IL4: variants seen among roughly 807,000 people sequenced by gnomAD.
The protein encoded by IL4 is interleukin-4.
Under a neutral mutation model 17.4 loss-of-function variants are expected in IL4, and 10 were observed. The ratio of observed to expected loss-of-function variants is 0.57; its 90% CI spans 0.35 to 0.97. IL4 has a LOEUF of 0.97. Ranked by LOEUF, IL4 falls within the 50% of genes least tolerant of loss-of-function variation. The pLI is 0.01. For synonymous variants in IL4, 87 were observed against 79.0 expected, an observed-to-expected ratio of 1.10 and a Z score of -0.54; for missense variants, 174 against 187.7, an observed-to-expected ratio of 0.93 and a Z score of 0.43.
intron 3 of IL4, among the ~76,000 whole-genome samples, chr5:132,681,276 G>C (rs1752482577): frequency 6.6e-6 from 1 of 152,156 alleles, no homozygotes; most frequent in South Asian, 2.1e-4. Flanking sequence ...GAACACTGGA[G>C]AGTGGGCGGT....
At chr5:132,678,471 A>C (rs1392537104) in intron 2 of IL4, among the ~76,000 whole-genome samples, 1 of 152,214 alleles carries the variant, frequency 6.6e-6, no homozygotes, top group Admixed American at 6.5e-5. Context: ...AATATATGTT[A>C]CCTTTATAGT....
At chr5:132,682,409 C>T in intron 3 of IL4, 77 bp from the exon 4 acceptor site, 1 of 863,202 alleles carries the variant, frequency 1.2e-6, no homozygotes, top group Non-Finnish European at 2.0e-6. Flanking sequence ...ACAAGTGCCA[C>T]AGTAGGCTTG....
chr5:132,678,893 A>T (rs552136324), intron 2 of IL4, among the ~76,000 whole-genome samples: 1 of 152,214 alleles, frequency 6.6e-6, no homozygotes, highest in Non-Finnish European at 1.5e-5. Context: ...TCTCTTGTCC[A>T]TTCCCTTCTC....
intron 2 of IL4, among the ~76,000 whole-genome samples, chr5:132,679,396 G>T (rs1256779074): frequency 6.6e-6 from 1 of 152,200 alleles, no homozygotes; most frequent in Non-Finnish European, 1.5e-5. Context: ...AGATGGTCCT[G>T]CATTCTAGTC....
rs1752332539 is a variant in IL4 at position 132,674,056 on chromosome 5, T to C, written c.6T>C (p.Gly2=). The part of the protein sequence containing the change: M[G]LTSQLLPPLF... Reference sequence around the variant, plus strand: ...CTGCAAATCGACACCTATTAATGGGTCTCACCTCCCAACTGCTTCCCCCTC... The same window carrying C: ...CTGCAAATCGACACCTATTAATGGGCCTCACCTCCCAACTGCTTCCCCCTC... Residue 2 remains glycine (G), a synonymous_variant, in exon 1 of 4, where the codon GGT becomes GGC. Transcript: ENST00000231449. The C allele has an allele frequency of 8.1e-6, 13 of 1,614,150 alleles. No individual in the cohort carries two copies. Among genetic ancestry groups the C allele is most frequent in the Non-Finnish European group, 1.1e-5 (13 of 1,179,996 alleles).
At chr5:132,674,233 T>C (rs1445397866) in intron 1 of IL4, 48 bp downstream of exon 1, 1 of 1,598,040 alleles carries the variant, frequency 6.3e-7, no homozygotes, top group Non-Finnish European at 8.6e-7. Context: ...GGTGATGCTC[T>C]CAGTATTTCT....
intron 2 of IL4, among the ~76,000 whole-genome samples, chr5:132,675,927 ATATG>A (rs1225526264): frequency 2.4e-5 from 1 of 41,020 alleles, no homozygotes; most frequent in African/African-American, 1.3e-4. Flanking sequence ...ATGTGTATGT[ATATG>A]TGTGTGTGTG....
At chr5:132,676,768 T>C (rs1752390348) in intron 2 of IL4, among the ~76,000 whole-genome samples, 1 of 152,214 alleles carries the variant, frequency 6.6e-6, no homozygotes, top group Non-Finnish European at 1.5e-5. Flanking sequence ...AGGTACTTCT[T>C]TGTGTTCCCA....
intron 2 of IL4, among the ~76,000 whole-genome samples, chr5:132,675,556 T>TA (rs1752360477): frequency 6.6e-6 from 1 of 151,416 alleles, no homozygotes; most frequent in African/African-American, 2.4e-5. Context: ...TACACACTTT[T>TA]TTTTTTTTTT....
At position 132,677,379 on chromosome 5, in the gene IL4, G is replaced by A. The variant is rs181933396; in HGVS notation, c.184-2335G>A. ...GCCAGGCTGTCCAAGTGCACTCCCT[G>A]AGCCACTGGCAGACACACTCAGCAG... On this transcript the variant is annotated intron_variant, in intron 2 of 3. Coordinates refer to ENST00000231449, the MANE Select transcript of IL4 (RefSeq NM_000589.4). 4.4e-4 allele frequency among the ~76,000 whole-genome samples: 67 copies of A among 152,282 alleles called. 1 individual carries two copies. In the East Asian group the frequency reaches 6.9e-3, roughly 16 times the overall value.
At chr5:132,674,362 C>T in intron 1 of IL4, 97 bp from the exon 2 acceptor site, 1 of 1,401,992 alleles carries the variant, frequency 7.1e-7, no homozygotes, top group African/African-American at 1.4e-5. Flanking sequence ...TAGGAAGTTT[C>T]CTCAGTTGGA....
chr5:132,677,089 T>C (rs550866911), intron 2 of IL4, among the ~76,000 whole-genome samples: 1 of 152,252 alleles, frequency 6.6e-6, no homozygotes, highest in Non-Finnish European at 1.5e-5. Context: ...AGTTCCATAA[T>C]GAACCTCAAA....
At chr5:132,675,723 A>C (rs939223060) in intron 2 of IL4, among the ~76,000 whole-genome samples, 2 of 151,500 alleles carry the variant, frequency 1.3e-5, no homozygotes, top group African/African-American at 4.9e-5. Context: ...TAATTTTTGT[A>C]TTTTTTTGTA....
At chr5:132,677,693 G>A (rs989669925) in intron 2 of IL4, 1 of 152,092 alleles carries the variant, frequency 6.6e-6, no homozygotes, top group Non-Finnish European at 1.5e-5. Context: ...CCAAGCCAGC[G>A]TTTCAGAAAA....
chr5:132,675,957 A>G (rs1049178627), intron 2 of IL4, among the ~76,000 whole-genome samples: 3 of 53,290 alleles, frequency 5.6e-5, no homozygotes, highest in South Asian at 5.1e-4. Context: ...GTGTGTGTGT[A>G]TAAAATCTCC....
At chr5:132,682,384 A>AT in intron 3 of IL4, 102 bp from the exon 4 acceptor site, 3 of 700,870 alleles carry the variant, frequency 4.3e-6, no homozygotes, top group Non-Finnish European at 7.5e-6. Context: ...CCTTGGTTTT[A>AT]TAAGTGTTCA....
chr5:132,674,060 A>T lies in IL4; in HGVS notation c.10A>T (p.Thr4Ser). The T allele has an allele frequency of 3.1e-6, 5 of 1,614,034 alleles. No homozygotes were observed. Among genetic ancestry groups the T allele is most frequent in the Non-Finnish European group, 4.2e-6 (5 of 1,179,970 alleles). Residue 4 changes from threonine to serine, a missense_variant, in exon 1 of 4, where the codon ACC (threonine) becomes TCC (serine). Thr to Ser is a moderately conservative substitution (Grantham distance 58). Transcript: ENST00000231449. ...AAATCGACACCTATTAATGGGTCTC[A>T]CCTCCCAACTGCTTCCCCCTCTGTT... MGLTSQLLPPLFFL... is the reference protein window; with the variant it reads MGLSSQLLPPLFFL...
Position 132,680,522 on chromosome 5 carries a change from C to T in IL4, c.360+632C>T, listed in dbSNP as rs1752466698. ...GACAAAGACTGTACAATCTGATTTA[C>T]GTGATTTAAAAGGGTCAGTCTGGCT... On this transcript the variant is annotated intron_variant, in intron 3 of 3. Coordinates refer to ENST00000231449, the MANE Select transcript of IL4 (RefSeq NM_000589.4). The surrounding 1 kb of genome is among the most constrained non-coding windows in gnomAD (Gnocchi z 4.3). Among the ~76,000 whole-genome samples, 1 of 152,140 alleles carries T rather than the reference C, an allele frequency of 6.6e-6. No homozygotes were observed. The highest frequency in any genetic ancestry group is 1.5e-5 in the Non-Finnish European group (1 of 68,032).
chr5:132,675,929 ATGTG>A (rs2234664), intron 2 of IL4, among the ~76,000 whole-genome samples: 17 of 140,942 alleles, frequency 1.2e-4, no homozygotes, highest in Admixed American at 4.3e-4. Flanking sequence ...GTGTATGTAT[ATGTG>A]TGTGTGTGTG....
Sources: gnomAD v4.1 joint callset for allele counts (sites outside exome capture counted in the v4.1 genomes callset) on GRCh38, gnomAD v4.1.1 for gene constraint, Gnocchi (gnomAD v3.1) non-coding constraint, MANE v1.5 for transcripts, NCBI Gene and HGNC (gene_info 2026-07-23, HGNC 2026-07-21) for gene names.